SLC19A3: variants seen among roughly 807,000 people sequenced by gnomAD.
SLC19A3 encodes solute carrier family 19 member 3.
A neutral mutation model predicts 40.2 loss-of-function variants in SLC19A3; 31 were observed. That is an observed-to-expected ratio of 0.77 (90% CI 0.58 to 1.04). The LOEUF (loss-of-function observed/expected upper bound fraction) is 1.04. Ranked by LOEUF, SLC19A3 falls within the 50% of genes least tolerant of loss-of-function variation. The pLI is 0.00. For missense variants in SLC19A3, 592 were observed against 596.7 expected (o/e 0.99, Z 0.08); for synonymous variants, 212 against 227.5 (o/e 0.93, Z 0.61).
intron 4 of SLC19A3, among the ~76,000 whole-genome samples, chr2:227,694,464 A>AT (rs568568046): frequency 1.2e-4 from 18 of 152,146 alleles, no homozygotes; most frequent in Non-Finnish European, 2.4e-4. Flanking sequence ...TCCTTTGATG[A>AT]TTTTTTCCCA....
intron 3 of SLC19A3, among the ~76,000 whole-genome samples, chr2:227,697,183 T>C (rs111588325): frequency 0.024 from 3,611 of 152,068 alleles, 56 homozygotes; most frequent in Middle Eastern, 0.037. Flanking sequence ...TTTCCCCCCA[T>C]GGATTTGGAA....
Position 227,687,193 on chromosome 2 carries a change from C to G in SLC19A3, c.*204G>C, listed in dbSNP as rs560082192. On this transcript the variant is annotated 3_prime_UTR_variant, in exon 6 of 6. Coordinates refer to ENST00000644224, the MANE Select transcript of SLC19A3 (RefSeq NM_025243.4). ...AATATGGGTTGTTTAATTATGATGA[C>G]GGGTCCTGTCAATTGCATCCAGTAA... 1.9e-6 allele frequency: 1 copy of G among 519,816 alleles called. No homozygotes were observed. The highest frequency in any genetic ancestry group is 3.3e-6 in the Non-Finnish European group (1 of 298,660). 32.2% of individuals were successfully genotyped at this position (519,816 alleles called of 1,614,324 possible). A position where few individuals can be genotyped will look rare whatever the true frequency, so the allele number is the denominator to read the frequency against.
chr2:227,710,723 T>C (rs1696108648), intron 1 of SLC19A3, among the ~76,000 whole-genome samples: 1 of 152,016 alleles, frequency 6.6e-6, no homozygotes, highest in Non-Finnish European at 1.5e-5. Flanking sequence ...TCAAAGAGGG[T>C]CATTATGAAT....
At chr2:227,716,783 C>T (rs1302994066) in intron 1 of SLC19A3, among the ~76,000 whole-genome samples, 1 of 151,996 alleles carries the variant, frequency 6.6e-6, no homozygotes. Context: ...CATTACACAA[C>T]CTTAAAAGAG....
intron 4 of SLC19A3, among the ~76,000 whole-genome samples, chr2:227,695,132 T>C (rs533946814): frequency 1.3e-5 from 2 of 152,306 alleles, no homozygotes; most frequent in East Asian, 1.9e-4. Context: ...TTGCATCTAC[T>C]TTTTTTAGTA....
intron 4 of SLC19A3, among the ~76,000 whole-genome samples, chr2:227,694,197 G>C (rs147273230): frequency 0.011 from 1,634 of 152,250 alleles, 26 homozygotes; most frequent in Middle Eastern, 0.048. Context: ...AGTAGATACG[G>C]GGTTTAATCA....
Position 227,699,051 on chromosome 2 carries a change from C to T in SLC19A3, c.664G>A (p.Glu222Lys), listed in dbSNP as rs1695561177. 3 of 1,614,076 alleles carry T rather than the reference C, an allele frequency of 1.9e-6. No homozygotes were observed. Among genetic ancestry groups the T allele is most frequent in the Admixed American group, 1.7e-5 (1 of 59,996 alleles). ...TCTTCACAGCCTGGTGCTTCACCTTCGTGAGTTTCCTCTAATACTGGATTC... is the reference window on the plus strand; with the variant it reads ...TCTTCACAGCCTGGTGCTTCACCTTTGTGAGTTTCCTCTAATACTGGATTC... ...SVNPVLEETH[E>K]GEAPGCEEQK... Residue 222 changes from glutamate (E) to lysine (K), a missense_variant, in exon 3 of 6, where the codon GAA becomes AAA. Physicochemically the swap from Glu to Lys is moderately conservative, Grantham distance 56. Coordinates refer to ENST00000644224, the MANE Select transcript of SLC19A3 (RefSeq NM_025243.4).
At chr2:227,714,501 C>G in intron 1 of SLC19A3, 2 of 985,346 alleles carry the variant, frequency 2.0e-6, no homozygotes, top group Non-Finnish European at 2.4e-6. Context: ...AGCTGGCTTC[C>G]TGCCTTCAGG....
intron 1 of SLC19A3, among the ~76,000 whole-genome samples, chr2:227,717,164 G>A (rs1292722589): frequency 6.6e-6 from 1 of 151,864 alleles, no homozygotes; most frequent in Non-Finnish European, 1.5e-5. Context: ...CACCATGCCC[G>A]GCTAATTTTT....
At chr2:227,711,670 T>C (rs1696144140) in intron 1 of SLC19A3, among the ~76,000 whole-genome samples, 1 of 151,534 alleles carries the variant, frequency 6.6e-6, no homozygotes, top group South Asian at 2.1e-4. Context: ...TTTGAAATAA[T>C]AAAAAGAATC....
At chr2:227,704,361 A>G (rs181941877) in intron 1 of SLC19A3, among the ~76,000 whole-genome samples, 41 of 152,352 alleles carry the variant, frequency 2.7e-4, no homozygotes, top group Non-Finnish European at 4.7e-4. Flanking sequence ...TTTACCATTT[A>G]CGACTAGGAC....
rs1030044435 is a variant in SLC19A3 at position 227,686,655 on chromosome 2, G to A, written c.*742C>T. ...TAACACCTGTCTATGGTGGTGGAGA[G>A]AAGGCTCACTGCCTCTCCCAGGCCA... is the stretch of plus-strand genomic sequence containing the variant. On this transcript the variant is annotated 3_prime_UTR_variant, in exon 6 of 6. Coordinates refer to ENST00000644224, the MANE Select transcript of SLC19A3 (RefSeq NM_025243.4). The A allele has an allele frequency of 1.3e-5, 2 of 152,138 alleles. No homozygotes were observed. The highest frequency in any genetic ancestry group is 2.9e-5 in the Non-Finnish European group (2 of 68,076). 9.4% of individuals were successfully genotyped at this position (152,138 alleles called of 1,614,324 possible).
At chr2:227,715,110 G>C (rs1206610001) in intron 1 of SLC19A3, among the ~76,000 whole-genome samples, 1 of 151,866 alleles carries the variant, frequency 6.6e-6, no homozygotes, top group African/African-American at 2.4e-5. Context: ...GTGAGCCGCC[G>C]TGCCTGGCCT....
rs1695012418 is a variant in SLC19A3, at chr2:227,686,271, G to A, written c.*1126C>T. The A allele has an allele frequency of 3.0e-6, 1 of 338,848 alleles. No homozygotes were observed. Among genetic ancestry groups the A allele is most frequent in the Non-Finnish European group, 6.0e-6 (1 of 167,344 alleles). 21.0% of individuals were successfully genotyped at this position (338,848 alleles called of 1,614,324 possible). A position where few individuals can be genotyped will look rare whatever the true frequency, so the allele number is the denominator to read the frequency against. ...TGTTTTCTTATTTCTAATACTTCTA[G>A]AAACCTCCTTTAAGTTTTCCTATTT... On this transcript the variant is annotated 3_prime_UTR_variant, in exon 6 of 6. Coordinates refer to ENST00000644224, the MANE Select transcript of SLC19A3 (RefSeq NM_025243.4).
chr2:227,692,953 T>C (rs1012070461), intron 4 of SLC19A3, among the ~76,000 whole-genome samples: 1 of 152,148 alleles, frequency 6.6e-6, no homozygotes, highest in Admixed American at 6.5e-5. Flanking sequence ...CTATTTACAA[T>C]AGCTACAGAT....
chr2:227,688,713 C>T (rs932585287), intron 4 of SLC19A3, among the ~76,000 whole-genome samples: 1 of 152,082 alleles, frequency 6.6e-6, no homozygotes, highest in Non-Finnish European at 1.5e-5. Context: ...TCTTCAATAC[C>T]CTGACACTGA....
intron 1 of SLC19A3, among the ~76,000 whole-genome samples, chr2:227,712,477 T>G (rs1430472207): frequency 6.6e-6 from 1 of 152,144 alleles, no homozygotes; most frequent in East Asian, 1.9e-4. Flanking sequence ...AATCCTAAGT[T>G]AAGACTAGGA....
At chr2:227,691,033 A>C (rs977717909) in intron 4 of SLC19A3, among the ~76,000 whole-genome samples, 3 of 152,164 alleles carry the variant, frequency 2.0e-5, no homozygotes, top group Non-Finnish European at 4.4e-5. Context: ...ACAACTCTTA[A>C]AACATATTCA....
chr2:227,715,004 G>C (rs1004318345), intron 1 of SLC19A3, among the ~76,000 whole-genome samples: 6 of 151,824 alleles, frequency 4.0e-5, no homozygotes, highest in African/African-American at 1.2e-4. Context: ...ATTTTTAGTA[G>C]AGACAGGGTT....
Sources: gnomAD v4.1 joint callset for allele counts (sites outside exome capture counted in the v4.1 genomes callset) on GRCh38, gnomAD v4.1.1 for gene constraint, MANE v1.5 for transcripts, NCBI Gene and HGNC (gene_info 2026-07-23, HGNC 2026-07-21) for gene names.